The following PROM1 variants were observed in gnomAD, a reference collection of about 807,000 sequenced individuals.
PROM1 encodes prominin 1, also known as prominin-1.
In PROM1, 105 loss-of-function variants were observed where a neutral mutation model predicts 116.9. That is an observed-to-expected ratio of 0.90 (90% CI 0.77 to 1.06). PROM1 has a LOEUF of 1.06. PROM1 is among the 50% of genes least tolerant of loss of function. PROM1 has a pLI of 0.00. For missense variants in PROM1, 1,122 were observed against 1,045.2 expected, an observed-to-expected ratio of 1.07 and a Z score of -1.01; for synonymous variants, 393 against 387.0, an observed-to-expected ratio of 1.02 and a Z score of -0.18.
At chr4:15,974,355 TCAA>T (rs1715526323) in intron 26 of PROM1, among the ~76,000 whole-genome samples, 1 of 152,200 alleles carries the variant, frequency 6.6e-6, no homozygotes, top group Non-Finnish European at 1.5e-5. Context: ...AACTTTTCCT[TCAA>T]ACAAAAGCAA....
At chr4:16,027,307 C>CACACACACACAT (rs1217861355) in intron 5 of PROM1, among the ~76,000 whole-genome samples, 2 of 151,842 alleles carry the variant, frequency 1.3e-5, no homozygotes, top group African/African-American at 4.8e-5. Context: ...AACACACACA[C>CACACACACACAT]ACACACACAC....
Position 15,979,887 on chromosome 4 carries a change from A to G in PROM1, c.2507T>C (p.Met836Thr). ...TTTTTTTAAAAAGGCTTACTTTTTC[A>G]TGGGTATAGTTTCAACACTATAAAA... ...DVYDDVETIP[M>T]KNMENGNNGY... Residue 836 changes from methionine (M) to threonine (T), a missense_variant, in exon 25 of 28, where the codon ATG becomes ACG. By Grantham distance (81) the Met-to-Thr change is moderately conservative. Coordinates refer to ENST00000447510, the MANE Select transcript of PROM1 (RefSeq NM_006017.3). 6.9e-7 allele frequency: 1 copy of G among 1,455,864 alleles called. No homozygotes were observed. The highest frequency in any genetic ancestry group is 1.3e-5 in the South Asian group (1 of 79,106). 90.2% of individuals were successfully genotyped at this position (1,455,864 alleles called of 1,614,324 possible). A position where few individuals can be genotyped will look rare whatever the true frequency, so the allele number is the denominator to read the frequency against.
intron 1 of PROM1, chr4:16,076,456 C>CAT (rs1743971694): frequency 6.5e-6 from 1 of 152,830 alleles, no homozygotes; most frequent in East Asian, 1.9e-4. Flanking sequence ...CTCCATGCTT[C>CAT]ATAGATAGAA....
intron 2 of PROM1, among the ~76,000 whole-genome samples, chr4:16,060,088 C>T (rs1364418689): frequency 1.3e-5 from 2 of 152,158 alleles, no homozygotes; most frequent in Non-Finnish European, 2.9e-5. Context: ...CACACAAACG[C>T]TGATAACAAT....
At chr4:15,997,282 C>CATATAT (rs112868587) in intron 15 of PROM1, among the ~76,000 whole-genome samples, 17 of 137,562 alleles carry the variant, frequency 1.2e-4, no homozygotes, top group East Asian at 6.3e-4. Flanking sequence ...TTCGTTCATT[C>CATATAT]ATATATATAT....
rs879076937 is a variant in PROM1, at chr4:16,075,593, G to A, written c.220+94C>T. On this transcript the variant is annotated intron_variant, in intron 2 of 27. Transcript: ENST00000447510. ...TGTGCAAAGCAATCGCTAAAATACT[G>A]AATATATTATATATTGATTGCATTG... 3.6e-5 allele frequency: 44 copies of A among 1,224,424 alleles called. No individual in the cohort carries two copies. In the Admixed American group the frequency reaches 4.1e-4, roughly 11 times the overall value. 75.8% of individuals were successfully genotyped at this position (1,224,424 alleles called of 1,614,324 possible).
At chr4:16,014,406 T>C (rs1727738070) in intron 10 of PROM1, among the ~76,000 whole-genome samples, 1 of 152,232 alleles carries the variant, frequency 6.6e-6, no homozygotes, top group Non-Finnish European at 1.5e-5. Flanking sequence ...AGCTGGAAGG[T>C]GTCTTACAGA....
In PROM1 at chr4:15,979,412, G is replaced by A. The variant is rs998632049; in HGVS notation, c.2565C>T (p.His855=). 1.2e-6 allele frequency: 2 copies of A among 1,613,732 alleles called. No homozygotes were observed. Among genetic ancestry groups the A allele is most frequent in the South Asian group, 1.1e-5 (1 of 91,042 alleles). ...GYHKDHVYGI[H]NPVMTSPSQH is the part of the protein sequence containing the mutation. ...TGCTTTACCTTGTCATAACAGGATT[G>A]TGAATACCATATACATGATCTTTAT... The change falls in exon 26 of 28, where the codon CAC becomes CAT. Residue 855 remains histidine (H), a synonymous_variant. Coordinates refer to ENST00000447510, the MANE Select transcript of PROM1 (RefSeq NM_006017.3).
At chr4:16,032,586 G>A (rs528407424) in intron 5 of PROM1, among the ~76,000 whole-genome samples, 1 of 152,318 alleles carries the variant, frequency 6.6e-6, no homozygotes, top group East Asian at 1.9e-4. Context: ...ATGAGGAAAT[G>A]TGGAACAATA....
At chr4:15,969,914 G>A (rs16868273) in intron 27 of PROM1, among the ~76,000 whole-genome samples, 1,663 of 152,210 alleles carry the variant, frequency 0.011, 34 homozygotes, top group African/African-American at 0.037. Flanking sequence ...AAGGTACGTG[G>A]TTGGTACACA....
intron 13 of PROM1, among the ~76,000 whole-genome samples, 169 bp from the exon 14 acceptor site, chr4:16,000,788 G>A (rs574363274): frequency 1.6e-4 from 24 of 152,244 alleles, no homozygotes; most frequent in African/African-American, 5.3e-4. Flanking sequence ...GACCTGGAGA[G>A]GGGCAGCTCC....
intron 26 of PROM1, chr4:15,971,326 G>A (rs1045539133): frequency 4.2e-6 from 2 of 476,200 alleles, no homozygotes; most frequent in Non-Finnish European, 7.5e-6. Flanking sequence ...TAAGAATTGT[G>A]AATATTCACA....
intron 12 of PROM1, among the ~76,000 whole-genome samples, chr4:16,008,682 G>A (rs1211530093): frequency 2.6e-5 from 4 of 152,140 alleles, no homozygotes; most frequent in South Asian, 2.1e-4. Context: ...AAAAATAAAC[G>A]TGGACTGCTT....
At chr4:15,984,432 T>C (rs1718804583) in intron 22 of PROM1, 77 bp from the exon 23 acceptor site, 1 of 1,082,602 alleles carries the variant, frequency 9.2e-7, no homozygotes, top group Non-Finnish European at 1.3e-6. Context: ...CCATTTACTT[T>C]TGACTTGGTG....
intron 12 of PROM1, among the ~76,000 whole-genome samples, chr4:16,008,651 C>T (rs1245260112): frequency 5.3e-5 from 8 of 152,186 alleles, no homozygotes; most frequent in South Asian, 2.1e-4. Context: ...ATTTGGCTCA[C>T]GAAGGTCCAG....
chr4:16,066,657 C>T (rs993374700), intron 2 of PROM1, among the ~76,000 whole-genome samples: 13 of 152,288 alleles, frequency 8.5e-5, no homozygotes, highest in Middle Eastern at 3.4e-3. Context: ...CACACTTTCC[C>T]GCCACTTCTC....
At chr4:15,993,163 T>C (rs1721484286) in intron 16 of PROM1, among the ~76,000 whole-genome samples, 2 of 152,228 alleles carry the variant, frequency 1.3e-5, no homozygotes, top group Non-Finnish European at 2.9e-5. Flanking sequence ...TTGAAAACCA[T>C]CAAGCCATCA....
chr4:16,013,365 T>G (rs767835471), intron 10 of PROM1, 27 bp from the exon 11 acceptor site: 8 of 1,529,276 alleles, frequency 5.2e-6, no homozygotes, highest in Admixed American at 1.7e-5. Context: ...AATAAAAGGA[T>G]GTACACAGTT....
chr4:15,980,958 T>C (rs1415495340), intron 23 of PROM1, among the ~76,000 whole-genome samples: 1 of 150,420 alleles, frequency 6.6e-6, no homozygotes, highest in Non-Finnish European at 1.5e-5. Flanking sequence ...TATTTATTTA[T>C]TTATTTATTT....
Sources: allele counts gnomAD v4.1 joint callset (sites outside exome capture counted in the v4.1 genomes callset), GRCh38; gene constraint gnomAD v4.1.1; transcripts MANE v1.5; gene names NCBI Gene and HGNC (gene_info 2026-07-23, HGNC 2026-07-21).